The following LRBA variants were observed in gnomAD, a reference collection of about 807,000 sequenced individuals.
LRBA encodes the protein LPS responsive beige-like anchor protein, also known as lipopolysaccharide-responsive and beige-like anchor protein.
Under a neutral mutation model 330.0 loss-of-function variants are expected in LRBA, and 176 were observed. The observed-to-expected ratio is 0.53, with a 90% CI of 0.47 to 0.60. The LOEUF (loss-of-function observed/expected upper bound fraction) is 0.60. Among genes scored for constraint, LRBA ranks in the 20% least tolerant of loss-of-function variants. LRBA has a pLI of 0.00. For missense variants in LRBA, 3,259 were observed against 3,444.8 expected (o/e 0.95, Z 1.35); for synonymous variants, 1,230 against 1,193.0 (o/e 1.03, Z -0.64).
At chr4:150,813,624 C>CT (rs1744115761) in intron 31 of LRBA, among the ~76,000 whole-genome samples, 1 of 151,988 alleles carries the variant, frequency 6.6e-6, no homozygotes, top group African/African-American at 2.4e-5. Context: ...AGTTTTAACT[C>CT]TGTTTCTGTG....
chr4:150,390,237 G>A (rs886492790), intron 47 of LRBA, among the ~76,000 whole-genome samples: 4 of 152,156 alleles, frequency 2.6e-5, no homozygotes, highest in Non-Finnish European at 5.9e-5. Flanking sequence ...TTCTTGAAAA[G>A]TACAGAACCA....
intron 35 of LRBA, among the ~76,000 whole-genome samples, chr4:150,748,024 C>A (rs1356946581): frequency 6.6e-6 from 1 of 152,162 alleles, no homozygotes; most frequent in Non-Finnish European, 1.5e-5. Context: ...GCCAATAATA[C>A]CTCTTCCCCA....
chr4:150,478,018 GCT>G (rs1420512215), intron 42 of LRBA, among the ~76,000 whole-genome samples: 1 of 151,976 alleles, frequency 6.6e-6, no homozygotes, highest in Non-Finnish European at 1.5e-5. Context: ...TCCTGTTTTT[GCT>G]CTTAGTGTTG....
chr4:150,556,729 GA>G lies in LRBA; in HGVS notation c.6330+31318del, dbSNP rs1207483677. ...TGACATATTATATAGTTTGGATTTT[GA>G]AAAGACATCTTTATGCATGCACAAA... On this transcript the variant is annotated intron_variant, in intron 40 of 56. Coordinates refer to ENST00000651943, the MANE Select transcript of LRBA (RefSeq NM_001364905.1). 2.0e-5 allele frequency among the ~76,000 whole-genome samples: 3 copies of G among 152,004 alleles called. No individual in the cohort carries two copies. In the East Asian group the frequency reaches 5.8e-4, roughly 29 times the overall value.
chr4:150,840,847 C>A, intron 28 of LRBA: 1 of 876,064 alleles, frequency 1.1e-6, no homozygotes. Flanking sequence ...TAAAATGAGG[C>A]ATGCCTGTAA....
At chr4:150,278,081 T>C (rs1747037227) in intron 55 of LRBA, 77 bp from the exon 56 acceptor site, 1 of 1,268,942 alleles carries the variant, frequency 7.9e-7, no homozygotes, top group African/African-American at 1.5e-5. Context: ...TGAGTCATTC[T>C]TACACCAGCT....
Position 150,321,139 on chromosome 4 carries a change from T to C in LRBA, c.7630+52A>G. On this transcript the variant is annotated intron_variant, in intron 50 of 56. Coordinates refer to ENST00000651943, the MANE Select transcript of LRBA (RefSeq NM_001364905.1). This position sits in a 1 kb window ranked among gnomAD's most constrained non-coding sequence, Gnocchi z 4.5. The stretch of plus-strand genomic sequence containing the variant: ...GAGATATGCTATATTTAAGTGGGTA[T>C]TACACAGTGTTCAGCAGTTACCATG... 1 of 1,453,898 alleles carries C rather than the reference T, an allele frequency of 6.9e-7. No individual in the cohort carries two copies. Among genetic ancestry groups the C allele is most frequent in the Non-Finnish European group, 9.5e-7 (1 of 1,057,868 alleles). 90.1% of individuals were successfully genotyped at this position (1,453,898 alleles called of 1,614,324 possible).
chr4:150,869,627 A>C (rs1352016904), intron 20 of LRBA, among the ~76,000 whole-genome samples: 1 of 152,180 alleles, frequency 6.6e-6, no homozygotes, highest in Non-Finnish European at 1.5e-5. Context: ...GGCAGAGGTT[A>C]CAGTGGCTGA....
intron 47 of LRBA, among the ~76,000 whole-genome samples, chr4:150,351,144 A>G (rs373808422): frequency 3.0e-4 from 45 of 152,346 alleles, no homozygotes; most frequent in Non-Finnish European, 5.7e-4. Flanking sequence ...ATCCATCATT[A>G]TATTCCCAGC....
intron 46 of LRBA, among the ~76,000 whole-genome samples, chr4:150,435,283 G>C (rs1351759495): frequency 6.6e-6 from 1 of 152,044 alleles, no homozygotes; most frequent in African/African-American, 2.4e-5. Flanking sequence ...CCCTAGAGGT[G>C]GAGGTGGCAG....
At chr4:150,795,385 A>G (rs1408640640) in intron 34 of LRBA, among the ~76,000 whole-genome samples, 1 of 152,070 alleles carries the variant, frequency 6.6e-6, no homozygotes, top group Non-Finnish European at 1.5e-5. Flanking sequence ...GAACTTGTTC[A>G]ATTTTTGTGT....
chr4:150,816,232 G>C (rs1056217123), intron 31 of LRBA, among the ~76,000 whole-genome samples: 1 of 151,902 alleles, frequency 6.6e-6, no homozygotes, highest in East Asian at 1.9e-4. Flanking sequence ...TAATCCACCA[G>C]GCCATTCCTT....
At position 150,871,512 on chromosome 4, in the gene LRBA, T is replaced by G; in HGVS notation, c.2259-59A>C. The G allele has an allele frequency of 1.0e-5, 10 of 957,320 alleles. No individual in the cohort carries two copies. In the South Asian group the frequency reaches 1.4e-4, roughly 13 times the overall value. 59.3% of individuals were successfully genotyped at this position (957,320 alleles called of 1,614,324 possible). Reference sequence around the variant, plus strand: ...GAGCTTTTCTGTGCTCTACTTAATATGCATGCTGGATGAAGGAAACACAAA... The same window carrying G: ...GAGCTTTTCTGTGCTCTACTTAATAGGCATGCTGGATGAAGGAAACACAAA... On this transcript the variant is annotated intron_variant, in intron 18 of 56. Transcript: ENST00000651943.
At chr4:150,992,736 T>C (rs189259873) in intron 2 of LRBA, among the ~76,000 whole-genome samples, 6 of 152,288 alleles carry the variant, frequency 3.9e-5, no homozygotes, top group Middle Eastern at 3.4e-3. Context: ...TGATCATCAA[T>C]AAGATGAGAA....
chr4:150,984,741 CA>C (rs1190078888), intron 2 of LRBA, among the ~76,000 whole-genome samples: 1 of 151,914 alleles, frequency 6.6e-6, no homozygotes, highest in Non-Finnish European at 1.5e-5. Context: ...GAATGAGAGA[CA>C]GACAAACAGA....
At chr4:150,823,933 T>C (rs1290379892) in intron 30 of LRBA, among the ~76,000 whole-genome samples, 3 of 152,322 alleles carry the variant, frequency 2.0e-5, no homozygotes, top group Non-Finnish European at 2.9e-5. Flanking sequence ...TGGTTCCATA[T>C]AGTTTCTAGG....
rs1757430383 is a variant in LRBA at position 150,482,775 on chromosome 4, C to T, written c.6551+4957G>A. Among the ~76,000 whole-genome samples the T allele has an allele frequency of 2.0e-5, 3 of 152,008 alleles. No individual in the cohort carries two copies. In the South Asian group the frequency reaches 6.2e-4, roughly 32 times the overall value. ...GTTTTAATCAGCATTTCTCAGATGACTAATGATGTTTGGCATCTTTTCATG... is the reference window on the plus strand; with the variant it reads ...GTTTTAATCAGCATTTCTCAGATGATTAATGATGTTTGGCATCTTTTCATG... On this transcript the variant is annotated intron_variant, in intron 42 of 56. Transcript: ENST00000651943.
At chr4:150,286,452 A>T (rs554481702) in intron 53 of LRBA, among the ~76,000 whole-genome samples, 1 of 152,310 alleles carries the variant, frequency 6.6e-6, no homozygotes, top group East Asian at 1.9e-4. Flanking sequence ...GAAACCCATC[A>T]TAATGAAGAC....
rs1561457885 is a variant in LRBA, at chr4:150,639,813, GTGTGTGTATA to G, written c.5922-40692_5922-40683del. On this transcript the variant is annotated intron_variant, in intron 37 of 56. Coordinates refer to ENST00000651943, the MANE Select transcript of LRBA (RefSeq NM_001364905.1). ...TGTGTATATATATATATATGTGTGT[GTGTGTGTATA>G]TATATATATATATATATATATATAT... Among the ~76,000 whole-genome samples the G allele has an allele frequency of 4.5e-3, 33 of 7,256 alleles. 3 individuals are homozygous for G. Among genetic ancestry groups the G allele is most frequent in the South Asian group, 0.011 (1 of 90 alleles). The allele number at this position is 7,256 out of a possible 152,430, so 4.8% of individuals were successfully genotyped here. A position where few individuals can be genotyped will look rare whatever the true frequency, so the allele number is the denominator to read the frequency against.
Sources: gnomAD v4.1 joint callset for allele counts (sites outside exome capture counted in the v4.1 genomes callset) on GRCh38, gnomAD v4.1.1 for gene constraint, Gnocchi (gnomAD v3.1) non-coding constraint, MANE v1.5 for transcripts, NCBI Gene and HGNC (gene_info 2026-07-23, HGNC 2026-07-21) for gene names.